The following DSCAM variants were observed in gnomAD, a reference collection of about 807,000 sequenced individuals.
DSCAM encodes the protein cell adhesion molecule DSCAM.
A neutral mutation model predicts 217.7 loss-of-function variants in DSCAM; 47 were observed. That is an observed-to-expected ratio of 0.22 (90% CI 0.17 to 0.28). The LOEUF is 0.28. Among genes scored for constraint, DSCAM ranks in the 10% least tolerant of loss-of-function variants. DSCAM has a pLI of 1.00. For missense variants in DSCAM, 2,080 were observed against 2,618.3 expected, an observed-to-expected ratio of 0.79 and a Z score of 4.49; for synonymous variants, 1,056 against 1,015.3, an observed-to-expected ratio of 1.04 and a Z score of -0.76.
intron 3 of DSCAM, among the ~76,000 whole-genome samples, chr21:40,467,182 T>A (rs2075852189): frequency 6.6e-6 from 1 of 152,234 alleles, no homozygotes; most frequent in Non-Finnish European, 1.5e-5. Flanking sequence ...AATTTAAATA[T>A]AAGCTGTTTC....
chr21:40,808,918 C>T (rs931430026), intron 1 of DSCAM, among the ~76,000 whole-genome samples: 38 of 152,312 alleles, frequency 2.5e-4, no homozygotes, highest in African/African-American at 9.1e-4. Flanking sequence ...CCTCCTGGAC[C>T]ATCAGCTCCA....
intron 8 of DSCAM, among the ~76,000 whole-genome samples, chr21:40,319,037 G>C (rs1398470022): frequency 6.6e-6 from 1 of 152,050 alleles, no homozygotes; most frequent in African/African-American, 2.4e-5. Context: ...TGTGTCTTGG[G>C]CATATTTGTA....
chr21:40,775,025 C>T (rs2091476444), intron 1 of DSCAM, among the ~76,000 whole-genome samples: 2 of 151,778 alleles, frequency 1.3e-5, no homozygotes, highest in South Asian at 4.2e-4. Context: ...TTTTCAAACC[C>T]AATCTGACCC....
At chr21:40,203,888 A>G (rs1571722) in intron 11 of DSCAM, among the ~76,000 whole-genome samples, 85,127 of 152,044 alleles carry the variant, frequency 0.56, 25,663 homozygotes, top group African/African-American at 0.8. Context: ...TAAATATTTA[A>G]TGTGGTTTTT....
At chr21:40,775,598 C>A (rs913794313) in intron 1 of DSCAM, among the ~76,000 whole-genome samples, 1 of 152,150 alleles carries the variant, frequency 6.6e-6, no homozygotes, top group Admixed American at 6.6e-5. Flanking sequence ...TCTCTGAGAG[C>A]TGGGACAGAT....
intron 3 of DSCAM, among the ~76,000 whole-genome samples, chr21:40,684,967 T>C (rs1220856784): frequency 6.6e-6 from 1 of 152,180 alleles, no homozygotes; most frequent in Non-Finnish European, 1.5e-5. Context: ...AGATCCTTAA[T>C]GGCAGAATAT....
intron 3 of DSCAM, among the ~76,000 whole-genome samples, chr21:40,379,215 C>T (rs533835162): frequency 6.6e-6 from 1 of 152,262 alleles, no homozygotes; most frequent in Non-Finnish European, 1.5e-5. Flanking sequence ...AATTATGTTT[C>T]ATTTCCCACT....
At chr21:40,434,322 G>A (rs762442575) in intron 3 of DSCAM, among the ~76,000 whole-genome samples, 47 of 152,174 alleles carry the variant, frequency 3.1e-4, no homozygotes, top group Non-Finnish European at 5.7e-4. Flanking sequence ...ACACGGAGAC[G>A]CCAACAACGG....
intron 3 of DSCAM, among the ~76,000 whole-genome samples, chr21:40,576,322 T>A (rs1252918535): frequency 3.3e-5 from 5 of 152,226 alleles, no homozygotes; most frequent in Non-Finnish European, 7.3e-5. Flanking sequence ...TAAGAATACA[T>A]ACCACTTGCT....
chr21:40,418,554 CTT>C (rs949902075), intron 3 of DSCAM, among the ~76,000 whole-genome samples: 2 of 152,152 alleles, frequency 1.3e-5, no homozygotes, highest in Non-Finnish European at 2.9e-5. Flanking sequence ...AGCAAGCCTT[CTT>C]TTGCTCAGGA....
intron 1 of DSCAM, among the ~76,000 whole-genome samples, chr21:40,811,799 C>T (rs1003458461): frequency 6.6e-6 from 1 of 152,100 alleles, no homozygotes; most frequent in South Asian, 2.1e-4. Context: ...TGGGCTGAGC[C>T]AGGCTGAGTA....
chr21:40,417,561 T>TAAAC (rs10665719), intron 3 of DSCAM, among the ~76,000 whole-genome samples: 130 of 151,480 alleles, frequency 8.6e-4, no homozygotes, highest in African/African-American at 3.0e-3. Flanking sequence ...TGAAGAAAAA[T>TAAAC]AGATATACAG....
intron 3 of DSCAM, among the ~76,000 whole-genome samples, chr21:40,507,463 G>A (rs1310813320): frequency 2.6e-5 from 4 of 152,006 alleles, no homozygotes; most frequent in Admixed American, 1.3e-4. Context: ...GGCAAATCAC[G>A]TACTCTAATG....
intron 27 of DSCAM, among the ~76,000 whole-genome samples, chr21:40,064,432 T>G (rs1274764226): frequency 6.6e-6 from 1 of 152,142 alleles, no homozygotes; most frequent in Non-Finnish European, 1.5e-5. Context: ...CTCTCTCCTA[T>G]GAGCTGTTCA....
At chr21:40,567,626 A>G (rs2076774855) in intron 3 of DSCAM, among the ~76,000 whole-genome samples, 1 of 152,082 alleles carries the variant, frequency 6.6e-6, no homozygotes, top group Admixed American at 6.6e-5. Flanking sequence ...CATTCCCCCT[A>G]CTTATCACTC....
chr21:40,538,704 A>T (rs1425523390), intron 3 of DSCAM, among the ~76,000 whole-genome samples: 1 of 152,122 alleles, frequency 6.6e-6, no homozygotes, highest in African/African-American at 2.4e-5. Flanking sequence ...GCCTGCTAAT[A>T]AAGTCATCAA....
intron 9 of DSCAM, among the ~76,000 whole-genome samples, chr21:40,300,988 C>T (rs924176591): frequency 6.6e-6 from 1 of 151,928 alleles, no homozygotes; most frequent in African/African-American, 2.4e-5. Flanking sequence ...ATTAAAGCAA[C>T]TTTTACTGAT....
rs143914578 is a variant in DSCAM at position 40,611,353 on chromosome 21, G to A, written c.508+81457C>T. ...ATTACAGGTGCGAGCCACTGTGCCCGGCCTAGTTTTCAATTTTAATAATAC... is the reference window on the plus strand; with the variant it reads ...ATTACAGGTGCGAGCCACTGTGCCCAGCCTAGTTTTCAATTTTAATAATAC... On this transcript the variant is annotated intron_variant, in intron 3 of 32. Coordinates refer to ENST00000400454, the MANE Select transcript of DSCAM (RefSeq NM_001389.5). Among the ~76,000 whole-genome samples, 285 of 152,082 alleles carry A rather than the reference G, an allele frequency of 1.9e-3. 4 individuals carry two copies. The East Asian group carries it at 0.041, about 22-fold the overall frequency.
At chr21:40,456,137 A>T (rs1367156176) in intron 3 of DSCAM, among the ~76,000 whole-genome samples, 2 of 151,956 alleles carry the variant, frequency 1.3e-5, no homozygotes, top group East Asian at 3.8e-4. Context: ...TAATTTTTTT[A>T]AATAATAGAG....
Sources: allele counts gnomAD v4.1 joint callset (sites outside exome capture counted in the v4.1 genomes callset), GRCh38; gene constraint gnomAD v4.1.1; transcripts MANE v1.5; gene names NCBI Gene and HGNC (gene_info 2026-07-23, HGNC 2026-07-21).